The following COL22A1 variants were observed in gnomAD, a reference collection of about 807,000 sequenced individuals.
COL22A1 encodes collagen alpha-1(XXII) chain.
Under a neutral mutation model 248.9 loss-of-function variants are expected in COL22A1, and 221 were observed. The observed-to-expected ratio is 0.89, with a 90% CI of 0.80 to 0.99. The LOEUF (loss-of-function observed/expected upper bound fraction) is 0.99. COL22A1 is among the 50% of genes least tolerant of loss of function. The pLI, the probability that COL22A1 is intolerant of heterozygous loss-of-function variation, is 0.00. For synonymous variants in COL22A1, 891 were observed against 793.4 expected (o/e 1.12, Z -2.07); for missense variants, 2,240 against 2,179.0 (o/e 1.03, Z -0.56).
chr8:138,745,785 C>G (rs1832053575), intron 22 of COL22A1, among the ~76,000 whole-genome samples: 1 of 152,168 alleles, frequency 6.6e-6, no homozygotes, highest in South Asian at 2.1e-4. Flanking sequence ...GGTCCCACTG[C>G]TGCAGTGGCC....
At chr8:138,723,040 C>A (rs899345236) in intron 25 of COL22A1, among the ~76,000 whole-genome samples, 1 of 149,500 alleles carries the variant, frequency 6.7e-6, no homozygotes, top group Non-Finnish European at 1.5e-5. Context: ...ATCCTGCACA[C>A]GTACCCTGGA....
Position 138,684,487 on chromosome 8 carries a change from A to C in COL22A1, c.2968-18T>G. 2 of 1,592,872 alleles carry C rather than the reference A, an allele frequency of 1.3e-6. No homozygotes were observed. Among genetic ancestry groups the C allele is most frequent in the Non-Finnish European group, 1.7e-6 (2 of 1,160,760 alleles). On this transcript the variant is annotated intron_variant, in intron 38 of 64. Transcript: ENST00000303045. ...CGGAGTCCCTGGAGAAATAAATAAT[A>C]CAAGGACAATCATGGAGCTGAGAGT... is the stretch of plus-strand genomic sequence containing the variant.
At chr8:138,598,468 A>G (rs1817725433) in intron 61 of COL22A1, among the ~76,000 whole-genome samples, 1 of 152,228 alleles carries the variant, frequency 6.6e-6, no homozygotes, top group South Asian at 2.1e-4. Context: ...AAGAGGGACT[A>G]TTTTTGAGCA....
In COL22A1 at chr8:138,703,485, C is replaced by A. The variant is rs1039024491; in HGVS notation, c.2518-138G>T. Reference sequence around the variant, plus strand: ...GCAGGGTGCAGGTAGGTGCACCCTGCACCTACCTTGATAGATACATACATA... The same window carrying A: ...GCAGGGTGCAGGTAGGTGCACCCTGAACCTACCTTGATAGATACATACATA... On this transcript the variant is annotated intron_variant, in intron 30 of 64. Transcript: ENST00000303045. 11 of 677,602 alleles carry A rather than the reference C, an allele frequency of 1.6e-5. No individual in the cohort carries two copies. In the Admixed American group the frequency reaches 2.2e-4, roughly 13 times the overall value. The allele number at this position is 677,602 out of a possible 1,614,324, so 42.0% of individuals were successfully genotyped here.
At chr8:138,647,952 C>T (rs1240919948) in intron 46 of COL22A1, among the ~76,000 whole-genome samples, 2 of 152,172 alleles carry the variant, frequency 1.3e-5, no homozygotes, top group Non-Finnish European at 2.9e-5. Context: ...GGAATAAATT[C>T]CTAAAGACCC....
At chr8:138,688,467 G>C (rs778982423) in intron 37 of COL22A1, among the ~76,000 whole-genome samples, 6 of 151,978 alleles carry the variant, frequency 3.9e-5, no homozygotes, top group Non-Finnish European at 7.4e-5. Context: ...GTTGTAGTGA[G>C]TGGAAATCAC....
intron 27 of COL22A1, among the ~76,000 whole-genome samples, chr8:138,718,209 C>T (rs1053436999): frequency 2.0e-5 from 3 of 152,158 alleles, no homozygotes; most frequent in Non-Finnish European, 2.9e-5. Flanking sequence ...GGAGTCAGCA[C>T]TTATTAAAAT....
At chr8:138,895,160 G>T (rs946259943) in intron 1 of COL22A1, among the ~76,000 whole-genome samples, 1 of 152,000 alleles carries the variant, frequency 6.6e-6, no homozygotes, top group Admixed American at 6.5e-5. Flanking sequence ...CCTCACCTAG[G>T]CCATCTTACT....
intron 1 of COL22A1, among the ~76,000 whole-genome samples, chr8:138,893,092 T>C (rs1011367155): frequency 2.6e-5 from 4 of 152,182 alleles, no homozygotes; most frequent in Non-Finnish European, 4.4e-5. Flanking sequence ...ACCAGGTGGC[T>C]CCTGTCTTAA....
intron 16 of COL22A1, 114 bp downstream of exon 16, chr8:138,775,852 G>T: frequency 9.8e-7 from 1 of 1,018,782 alleles, no homozygotes; most frequent in Non-Finnish European, 1.6e-6. Context: ...GTGCACACAT[G>T]CACACACAAA....
At position 138,604,787 on chromosome 8, in the gene COL22A1, A is replaced by G. The variant is rs1309141201; in HGVS notation, c.4105-18T>C. ...GGTTCTCCCTGGAAAACAGAACAGAATATCAGTGGCTCTGCAGCATCAGCC... is the reference window on the plus strand; with the variant it reads ...GGTTCTCCCTGGAAAACAGAACAGAGTATCAGTGGCTCTGCAGCATCAGCC... On this transcript the variant is annotated intron_variant, in intron 58 of 64. Coordinates refer to ENST00000303045, the MANE Select transcript of COL22A1 (RefSeq NM_152888.3). The G allele has an allele frequency of 1.9e-6, 3 of 1,608,828 alleles. No homozygotes were observed. Among genetic ancestry groups the G allele is most frequent in the South Asian group, 2.2e-5 (2 of 90,110 alleles).
intron 22 of COL22A1, among the ~76,000 whole-genome samples, chr8:138,746,437 G>C (rs930288371): frequency 3.6e-4 from 55 of 152,318 alleles, no homozygotes; most frequent in African/African-American, 1.2e-3. Context: ...CTCAGCTAGA[G>C]AGCGACTGAA....
At chr8:138,637,685 T>A (rs1821311055) in intron 47 of COL22A1, among the ~76,000 whole-genome samples, 1 of 152,200 alleles carries the variant, frequency 6.6e-6, no homozygotes, top group Admixed American at 6.5e-5. Flanking sequence ...AATCATAAAA[T>A]AGTATCTTTG....
intron 37 of COL22A1, among the ~76,000 whole-genome samples, chr8:138,686,039 G>A (rs891593660): frequency 6.6e-6 from 1 of 152,090 alleles, no homozygotes; most frequent in Non-Finnish European, 1.5e-5. Flanking sequence ...CCTTTGTCAG[G>A]TAGCTCTGTT....
At chr8:138,763,470 A>T (rs1333395045) in intron 16 of COL22A1, among the ~76,000 whole-genome samples, 3 of 152,142 alleles carry the variant, frequency 2.0e-5, no homozygotes, top group Admixed American at 2.0e-4. Context: ...AGTCAGTGCC[A>T]TCGTCTTCCC....
intron 40 of COL22A1, 126 bp downstream of exon 40, chr8:138,679,491 T>C (rs1825801815): frequency 2.5e-6 from 2 of 790,826 alleles, no homozygotes; most frequent in Non-Finnish European, 4.4e-6. Context: ...CTTCCATCCA[T>C]GTTCTAAGCT....
intron 6 of COL22A1, chr8:138,825,633 G>A (rs1421634616): frequency 1.3e-5 from 2 of 152,220 alleles, no homozygotes; most frequent in African/African-American, 4.8e-5. Flanking sequence ...TCAGGGCCCA[G>A]CCTCAACCTG....
At chr8:138,898,768 T>C (rs1172532354) in intron 1 of COL22A1, among the ~76,000 whole-genome samples, 1 of 152,148 alleles carries the variant, frequency 6.6e-6, no homozygotes, top group East Asian at 1.9e-4. Context: ...ACTGCAGGTC[T>C]GCCAATACCT....
intron 6 of COL22A1, among the ~76,000 whole-genome samples, chr8:138,826,265 C>T (rs747377659): frequency 7.9e-5 from 12 of 152,158 alleles, no homozygotes; most frequent in East Asian, 5.8e-4. Flanking sequence ...GGAGTAGACA[C>T]GAGACCTGAA....
Sources: allele counts gnomAD v4.1 joint callset (sites outside exome capture counted in the v4.1 genomes callset), GRCh38; gene constraint gnomAD v4.1.1; transcripts MANE v1.5; gene names NCBI Gene and HGNC (gene_info 2026-07-23, HGNC 2026-07-21).